The following GLIS2 variants were observed in gnomAD, a reference collection of about 807,000 sequenced individuals.
GLIS2 encodes the protein zinc finger protein GLIS2.
A neutral mutation model predicts 35.6 loss-of-function variants in GLIS2; 14 were observed. The ratio of observed to expected loss-of-function variants is 0.39; its 90% CI spans 0.26 to 0.61. The LOEUF (loss-of-function observed/expected upper bound fraction) is 0.61. GLIS2 is among the 20% of genes least tolerant of loss of function. The pLI is 0.48. For missense variants in GLIS2, 675 were observed against 713.4 expected (o/e 0.95, Z 0.61); for synonymous variants, 368 against 325.1 (o/e 1.13, Z -1.42).
At chr16:4,319,227 C>G (rs1475325333) in intron 1 of GLIS2, among the ~76,000 whole-genome samples, 1 of 152,162 alleles carries the variant, frequency 6.6e-6, no homozygotes, top group African/African-American at 2.4e-5. Flanking sequence ...TATTTCACAG[C>G]AGGTGACTGA....
rs765755309 is a variant in GLIS2, at chr16:4,332,466, G to A, written c.172+14G>A. The stretch of plus-strand genomic sequence containing the variant: ...CCCCGCCCTCAGGTACTGGCCCTGG[G>A]CAGGGCAGGGGGACTTAGCCCTGAT... On this transcript the variant is annotated intron_variant, in intron 2 of 6. Coordinates refer to ENST00000433375, the MANE Select transcript of GLIS2 (RefSeq NM_032575.3). This position sits in a 1 kb window ranked among gnomAD's most constrained non-coding sequence, Gnocchi z 5.4. The A allele has an allele frequency of 8.7e-6, 14 of 1,609,278 alleles. No individual in the cohort carries two copies. The highest frequency in any genetic ancestry group is 1.3e-5 in the African/African-American group (1 of 74,992).
intron 1 of GLIS2, among the ~76,000 whole-genome samples, chr16:4,323,780 C>T (rs2053402460): frequency 6.6e-6 from 1 of 152,180 alleles, no homozygotes. Context: ...AGCCTGGGGC[C>T]GGAAACAAGA....
At position 4,336,990 on chromosome 16, in the gene GLIS2, T is replaced by C; in HGVS notation, c.1041T>C (p.Tyr347=). The C allele has an allele frequency of 1.9e-6, 3 of 1,608,292 alleles. No individual in the cohort carries two copies. The highest frequency in any genetic ancestry group is 1.7e-6 in the Non-Finnish European group (2 of 1,178,788). ...PPLPAPDGGP[Y]VSGAQIIIPN... ...TGCCCGCCCCCGACGGCGGCCCCTATGTCAGTGGGGCCCAGATCATCATCC... is the reference window on the plus strand; with the variant it reads ...TGCCCGCCCCCGACGGCGGCCCCTACGTCAGTGGGGCCCAGATCATCATCC... Residue 347 remains tyrosine, a synonymous_variant, in exon 7 of 7, where the codon TAT becomes TAC. Transcript: ENST00000433375.
chr16:4,331,800 T>C (rs1367076320), intron 1 of GLIS2: 1 of 199,238 alleles, frequency 5.0e-6, no homozygotes, highest in South Asian at 8.9e-5. Context: ...TTTTTTTTTT[T>C]AATTAGCCAG....
At position 4,335,331 on chromosome 16, in the gene GLIS2, C is replaced by G; in HGVS notation, c.713C>G (p.Pro238Arg). The G allele has an allele frequency of 6.2e-7, 1 of 1,613,844 alleles. No homozygotes were observed. The highest frequency in any genetic ancestry group is 8.5e-7 in the Non-Finnish European group (1 of 1,180,026). Residue 238 changes from proline (P) to arginine (R), a missense_variant, in exon 6 of 7, where the codon CCG (proline) becomes CGG (arginine). This residue lies in a region of GLIS2 where 133 missense variants were observed against 191.4 expected (regional missense o/e 0.69). Coordinates refer to ENST00000433375, the MANE Select transcript of GLIS2 (RefSeq NM_032575.3). This position sits in a 1 kb window ranked among gnomAD's most constrained non-coding sequence, Gnocchi z 4.6. ...ACCAACGAGAAGCCACACCGCTGTCCGACCTGCAGCAAGAGCTTCTCCCGC... is the reference window on the plus strand; with the variant it reads ...ACCAACGAGAAGCCACACCGCTGTCGGACCTGCAGCAAGAGCTTCTCCCGC... ...THTNEKPHRC[P>R]TCSKSFSRLE...
Position 4,337,822 on chromosome 16 carries a change from G to T in GLIS2, c.*298G>T, listed in dbSNP as rs949814922. ...GCTTTCCCCTGCCCGACCTCCTCCC[G>T]TTTCCCTCTCCCACCCTGGCACCTC... On this transcript the variant is annotated 3_prime_UTR_variant, in exon 7 of 7. Transcript: ENST00000433375. 4 of 550,636 alleles carry T rather than the reference G, an allele frequency of 7.3e-6. No homozygotes were observed. Among genetic ancestry groups the T allele is most frequent in the Non-Finnish European group, 1.3e-5 (4 of 304,684 alleles). The allele number at this position is 550,636 out of a possible 1,614,324, so 34.1% of individuals were successfully genotyped here.
intron 6 of GLIS2, 58 bp from the exon 7 acceptor site, chr16:4,336,667 T>G: frequency 1.3e-6 from 2 of 1,514,278 alleles, no homozygotes; most frequent in Non-Finnish European, 1.8e-6. Flanking sequence ...GTGCATGGGG[T>G]GAGACCCAGG....
intron 1 of GLIS2, among the ~76,000 whole-genome samples, chr16:4,329,652 G>C (rs188832171): frequency 2.6e-5 from 4 of 152,300 alleles, no homozygotes; most frequent in African/African-American, 9.6e-5. Context: ...CCTGTGGACA[G>C]CATCTCTCCC....
chr16:4,324,481 T>C (rs1263922637), intron 1 of GLIS2, among the ~76,000 whole-genome samples: 1 of 152,146 alleles, frequency 6.6e-6, no homozygotes, highest in African/African-American at 2.4e-5. Flanking sequence ...TGAGGTTCTT[T>C]GAGGGGCATA....
In GLIS2 at chr16:4,319,129, C is replaced by T. The variant is rs550939307; in HGVS notation, c.-67+2875C>T. Among the ~76,000 whole-genome samples, 4 of 152,264 alleles carry T rather than the reference C, an allele frequency of 2.6e-5. 1 individual carries two copies. Among genetic ancestry groups the T allele is most frequent in the African/African-American group, 9.6e-5 (4 of 41,546 alleles). On this transcript the variant is annotated intron_variant, in intron 1 of 6. Coordinates refer to ENST00000433375, the MANE Select transcript of GLIS2 (RefSeq NM_032575.3). ...GGAAATTGATTCCATGGGAGAGGCC[C>T]TGTGCTGGGTGGAATTGGGGCGGGG...
At chr16:4,317,970 C>T (rs961022689) in intron 1 of GLIS2, among the ~76,000 whole-genome samples, 10 of 152,180 alleles carry the variant, frequency 6.6e-5, no homozygotes, top group East Asian at 3.9e-4. Context: ...AGCTGGGGCT[C>T]TTCGGCCCCT....
intron 1 of GLIS2, among the ~76,000 whole-genome samples, chr16:4,330,725 G>A (rs963666881): frequency 5.3e-5 from 8 of 152,254 alleles, no homozygotes; most frequent in Non-Finnish European, 1.2e-4. Context: ...GTCAGAAAAG[G>A]CTGTTAGGAC....
At chr16:4,334,674 C>A in intron 3 of GLIS2, 127 bp from the exon 4 acceptor site, 1 of 1,095,214 alleles carries the variant, frequency 9.1e-7, no homozygotes, top group Non-Finnish European at 1.4e-6. Flanking sequence ...AGGCCACATG[C>A]ACAGGTAGGG....
At position 4,332,491 on chromosome 16, in the gene GLIS2, T is replaced by C; in HGVS notation, c.172+39T>C. The C allele has an allele frequency of 6.2e-7, 1 of 1,600,176 alleles. No homozygotes were observed. The highest frequency in any genetic ancestry group is 8.5e-7 in the Non-Finnish European group (1 of 1,176,076). ...GCAGGGCAGGGGGACTTAGCCCTGA[T>C]CCAGTCATGGTGACAGGGAGAATGG... On this transcript the variant is annotated intron_variant, in intron 2 of 6. Transcript: ENST00000433375. The surrounding 1 kb of genome is among the most constrained non-coding windows in gnomAD (Gnocchi z 5.4).
At chr16:4,330,169 TG>T (rs2053483566) in intron 1 of GLIS2, among the ~76,000 whole-genome samples, 1 of 151,846 alleles carries the variant, frequency 6.6e-6, no homozygotes, top group Non-Finnish European at 1.5e-5. Flanking sequence ...CCCAGCTACT[TG>T]GGAGGCTGAG....
intron 1 of GLIS2, among the ~76,000 whole-genome samples, chr16:4,326,199 C>T (rs1056901930): frequency 3.9e-5 from 6 of 152,006 alleles, no homozygotes; most frequent in Non-Finnish European, 7.4e-5. Context: ...GAGCTGAGAT[C>T]GTGCCACTGC....
In GLIS2 at chr16:4,316,215, G is replaced by A. The variant is rs936365304; in HGVS notation, c.-106G>A. ...CGGCTCCCCGCGCCCCCCGACCGCCGGAGCCCGCAGCCCGGATCCCGACCG... is the reference window on the plus strand; with the variant it reads ...CGGCTCCCCGCGCCCCCCGACCGCCAGAGCCCGCAGCCCGGATCCCGACCG... On this transcript the variant is annotated 5_prime_UTR_variant, in exon 1 of 7. Transcript: ENST00000433375. Among the ~76,000 whole-genome samples, 2 of 142,312 alleles carry A rather than the reference G, an allele frequency of 1.4e-5. No individual in the cohort carries two copies. The highest frequency in any genetic ancestry group is 5.1e-5 in the African/African-American group (2 of 39,260). 93.4% of individuals were successfully genotyped at this position (142,312 alleles called of 152,430 possible).
chr16:4,320,565 C>T lies in GLIS2; in HGVS notation c.-67+4311C>T, dbSNP rs1037528291. Among the ~76,000 whole-genome samples the T allele has an allele frequency of 7.1e-6, 1 of 140,398 alleles. No individual in the cohort carries two copies. The highest frequency in any genetic ancestry group is 3.1e-5 in the African/African-American group (1 of 32,436). 92.1% of individuals were successfully genotyped at this position (140,398 alleles called of 152,430 possible). A position where few individuals can be genotyped will look rare whatever the true frequency, so the allele number is the denominator to read the frequency against. On this transcript the variant is annotated intron_variant, in intron 1 of 6. Transcript: ENST00000433375. The surrounding 1 kb of genome is among the most constrained non-coding windows in gnomAD (Gnocchi z 5.6). The stretch of plus-strand genomic sequence containing the variant: ...GCCTGGGAATCCCCCCAGCTCCACT[C>T]CTGCCCCCCACGTCCACTGCAAGGG...
intron 1 of GLIS2, among the ~76,000 whole-genome samples, chr16:4,319,847 C>T (rs891761892): frequency 6.6e-5 from 10 of 152,250 alleles, no homozygotes; most frequent in African/African-American, 2.4e-4. Flanking sequence ...TGGGCAGGCA[C>T]GGAGGCCGGG....
Sources: gnomAD v4.1 joint callset for allele counts (sites outside exome capture counted in the v4.1 genomes callset) on GRCh38, gnomAD v4.1.1 for gene constraint, gnomAD v4.1.1 regional missense constraint, Gnocchi (gnomAD v3.1) non-coding constraint, MANE v1.5 for transcripts, NCBI Gene and HGNC (gene_info 2026-07-23, HGNC 2026-07-21) for gene names.